The following GLP1R variants were observed in gnomAD, a reference collection of about 807,000 sequenced individuals.
The protein encoded by GLP1R is glucagon-like peptide 1 receptor.
In GLP1R, 32 loss-of-function variants were observed where a neutral mutation model predicts 68.4. The ratio of observed to expected loss-of-function variants is 0.47; its 90% CI spans 0.35 to 0.63. GLP1R has a LOEUF of 0.63. GLP1R is among the 20% of genes least tolerant of loss of function. The pLI is 0.00. For synonymous variants in GLP1R, 263 were observed against 244.4 expected, an observed-to-expected ratio of 1.08 and a Z score of -0.71; for missense variants, 502 against 594.9, an observed-to-expected ratio of 0.84 and a Z score of 1.62.
intron 11 of GLP1R, 116 bp from the exon 12 acceptor site, chr6:39,080,582 G>C: frequency 7.8e-6 from 5 of 644,444 alleles, no homozygotes; most frequent in Non-Finnish European, 1.4e-5. Flanking sequence ...TGCCTGGGCC[G>C]CTGGATTTGG....
intron 3 of GLP1R, among the ~76,000 whole-genome samples, chr6:39,064,939 T>C (rs2254341): frequency 0.11 from 16,120 of 152,226 alleles, 1,378 homozygotes; most frequent in African/African-American, 0.23. Flanking sequence ...GCTGGATCCC[T>C]TTCCTCTCTC....
chr6:39,058,228 C>A (rs1272995355), intron 3 of GLP1R, among the ~76,000 whole-genome samples: 1 of 152,172 alleles, frequency 6.6e-6, no homozygotes, highest in East Asian at 1.9e-4. Flanking sequence ...AGGGTGTCTG[C>A]TGTGTGTATA....
chr6:39,081,218 G>T (rs1769005239), intron 12 of GLP1R, among the ~76,000 whole-genome samples: 1 of 152,152 alleles, frequency 6.6e-6, no homozygotes. Context: ...ATCAGAAAGA[G>T]TCAGGAACCT....
intron 2 of GLP1R, among the ~76,000 whole-genome samples, chr6:39,056,865 C>A (rs1768226677): frequency 6.6e-6 from 1 of 152,196 alleles, no homozygotes; most frequent in Non-Finnish European, 1.5e-5. Context: ...CAGCTAGAGC[C>A]TCTCAGAGCA....
Position 39,079,702 on chromosome 6 carries a change from G to A in GLP1R, c.1182G>A (p.Gln394=). ...CAGAGCTCTCCTTCACCTCCTTCCA[G>A]GTGACTTCATGCTTGGGGACACTTG... ...LFTELSFTSF[Q]GLMVAILYCF... The change falls in exon 11 of 13, where the codon CAG becomes CAA. Residue 394 remains glutamine (Q), a splice_region_variant and synonymous_variant. Transcript: ENST00000373256. This position sits in a 1 kb window ranked among gnomAD's most constrained non-coding sequence, Gnocchi z 4.5. 1 of 1,612,520 alleles carries A rather than the reference G, an allele frequency of 6.2e-7. No homozygotes were observed. Among genetic ancestry groups the A allele is most frequent in the Admixed American group, 1.7e-5 (1 of 59,932 alleles).
intron 3 of GLP1R, among the ~76,000 whole-genome samples, chr6:39,063,556 A>C (rs1173762251): frequency 6.6e-6 from 1 of 152,172 alleles, no homozygotes; most frequent in Non-Finnish European, 1.5e-5. Context: ...TTCTTCCAGA[A>C]GGAGTCATGC....
At chr6:39,062,840 T>TA (rs1768384525) in intron 3 of GLP1R, among the ~76,000 whole-genome samples, 1 of 152,220 alleles carries the variant, frequency 6.6e-6, no homozygotes, top group African/African-American at 2.4e-5. Flanking sequence ...ATATGTACAA[T>TA]GGGACTAACT....
rs759420501 is a variant in GLP1R, at chr6:39,073,674, G to A, written c.728G>A (p.Trp243Ter). ...TACTGTGTGGCGGCCAATTACTACTGGCTCTTGGTGGAGGGCGTGTACCTG... is the reference window on the plus strand; with the variant it reads ...TACTGTGTGGCGGCCAATTACTACTAGCTCTTGGTGGAGGGCGTGTACCTG... ...MQYCVAANYYWLLVEGVYLYT... is the reference protein window; with the variant it reads ...MQYCVAANYY Residue 243 changes from tryptophan (W) to a stop codon, truncating the protein, a stop_gained, in exon 7 of 13, where the codon TGG becomes TAG. Coordinates refer to ENST00000373256, the MANE Select transcript of GLP1R (RefSeq NM_002062.5). LOFTEE classifies it high-confidence loss of function. 1 of 1,613,856 alleles carries A rather than the reference G, an allele frequency of 6.2e-7. No homozygotes were observed. Among genetic ancestry groups the A allele is most frequent in the African/African-American group, 1.3e-5 (1 of 75,026 alleles).
At chr6:39,050,399 G>A (rs974467408) in intron 1 of GLP1R, among the ~76,000 whole-genome samples, 14 of 152,192 alleles carry the variant, frequency 9.2e-5, no homozygotes, top group African/African-American at 3.4e-4. Flanking sequence ...AGAAAGCAAA[G>A]GGAAGAGGAA....
chr6:39,078,603 G>A (rs1042422405), intron 8 of GLP1R, among the ~76,000 whole-genome samples: 1 of 152,168 alleles, frequency 6.6e-6, no homozygotes, highest in Admixed American at 6.5e-5. Flanking sequence ...GGTCTGTGGG[G>A]TACATGGTGC....
chr6:39,050,119 C>T (rs1768050984), intron 1 of GLP1R, among the ~76,000 whole-genome samples: 1 of 152,164 alleles, frequency 6.6e-6, no homozygotes, highest in Non-Finnish European at 1.5e-5. Flanking sequence ...GCATCCTCTC[C>T]CTGCCCCTGT....
chr6:39,080,297 T>C (rs1768963622), intron 11 of GLP1R, among the ~76,000 whole-genome samples: 1 of 152,192 alleles, frequency 6.6e-6, no homozygotes, highest in South Asian at 2.1e-4. Flanking sequence ...TGGGTCTCCT[T>C]CATGAACAGA....
In GLP1R at chr6:39,087,882, C is replaced by T. The variant is rs1769189702; in HGVS notation, c.*1809C>T. 1 of 152,104 alleles carries T rather than the reference C, an allele frequency of 6.6e-6. No homozygotes were observed. The highest frequency in any genetic ancestry group is 6.5e-5 in the Admixed American group (1 of 15,280). The allele number at this position is 152,104 out of a possible 1,614,324, so 9.4% of individuals were successfully genotyped here. On this transcript the variant is annotated 3_prime_UTR_variant, in exon 13 of 13. Coordinates refer to ENST00000373256, the MANE Select transcript of GLP1R (RefSeq NM_002062.5). The stretch of plus-strand genomic sequence containing the variant: ...CTTCCCCAGAACAAGGGCAGGCTTC[C>T]CAAAGGCACCCCTTATTTGCTGTCT...
At chr6:39,061,289 T>C (rs1275165578) in intron 3 of GLP1R, among the ~76,000 whole-genome samples, 1 of 152,172 alleles carries the variant, frequency 6.6e-6, no homozygotes, top group Non-Finnish European at 1.5e-5. Context: ...CTGAAGTGGC[T>C]TCAGAGAGCC....
intron 1 of GLP1R, among the ~76,000 whole-genome samples, chr6:39,055,020 T>C (rs1019523604): frequency 6.6e-6 from 1 of 152,222 alleles, no homozygotes; most frequent in African/African-American, 2.4e-5. Context: ...AGCTCTGTCC[T>C]TCAGGGTAGC....
chr6:39,070,957 C>T (rs530908228), intron 5 of GLP1R, among the ~76,000 whole-genome samples: 1 of 147,608 alleles, frequency 6.8e-6, no homozygotes, highest in South Asian at 2.2e-4. Context: ...TAAAATTTAT[C>T]AATAAAGATT....
chr6:39,066,922 C>T (rs1261296961), intron 5 of GLP1R, among the ~76,000 whole-genome samples: 1 of 152,140 alleles, frequency 6.6e-6, no homozygotes, highest in Non-Finnish European at 1.5e-5. Flanking sequence ...CATTCCCTCT[C>T]CTACCTTCAA....
chr6:39,083,528 G>C (rs1027118872), intron 12 of GLP1R, among the ~76,000 whole-genome samples: 1 of 152,188 alleles, frequency 6.6e-6, no homozygotes, highest in Non-Finnish European at 1.5e-5. Flanking sequence ...GCCTGAAGGT[G>C]GTTTTGCTGT....
chr6:39,067,937 C>CATTTCATAGGACAGACATTCT (rs1562010437), intron 5 of GLP1R, among the ~76,000 whole-genome samples: 1 of 151,882 alleles, frequency 6.6e-6, no homozygotes, highest in Non-Finnish European at 1.5e-5. Flanking sequence ...ACAGACATTC[C>CATTTCATAGGACAGACATTCT]CATTTCAAAA....
Sources: allele counts gnomAD v4.1 joint callset (sites outside exome capture counted in the v4.1 genomes callset), GRCh38; gene constraint gnomAD v4.1.1; non-coding constraint Gnocchi (gnomAD v3.1); transcripts MANE v1.5; gene names NCBI Gene and HGNC (gene_info 2026-07-23, HGNC 2026-07-21).